The following RECQL variants were observed in gnomAD, a reference collection of about 807,000 sequenced individuals.
RECQL encodes ATP-dependent DNA helicase Q1.
Under a neutral mutation model 75.8 loss-of-function variants are expected in RECQL, and 73 were observed. That is an observed-to-expected ratio of 0.96 (90% CI 0.80 to 1.17). The LOEUF (loss-of-function observed/expected upper bound fraction) is 1.17, where lower values mean the gene tolerates loss of function less well. Among genes scored for constraint, RECQL ranks in the 50% most tolerant of loss-of-function variants. RECQL has a pLI of 0.00. For synonymous variants in RECQL, 248 were observed against 254.4 expected (o/e 0.97, Z 0.24); for missense variants, 699 against 772.1 (o/e 0.91, Z 1.12).
Position 21,475,678 on chromosome 12 carries a change from G to A in RECQL, c.1096C>T (p.Gln366Ter), listed in dbSNP as rs1326657671. Residue 366 changes from glutamine to a stop codon, truncating the protein, a stop_gained and splice_region_variant, in exon 9 of 15, where the codon CAG (glutamine) becomes TAG (stop). Coordinates refer to ENST00000444129, the MANE Select transcript of RECQL (RefSeq NM_002907.4). LOFTEE classifies it high-confidence loss of function. ...TCTATGGAAGATATAGACCTAACCT[G>A]AATTTCATTGGCTGACCATTTTCTA... ...VHRKWSANEI[Q>*]VVVATVAFGM... 3 of 1,613,170 alleles carry A rather than the reference G, an allele frequency of 1.9e-6. No individual in the cohort carries two copies. Among genetic ancestry groups the A allele is most frequent in the Middle Eastern group, 1.7e-4 (1 of 6,060 alleles).
rs1477534266 is a variant in RECQL, at chr12:21,483,493, C to A, written c.583G>T (p.Ala195Ser). 6.3e-7 allele frequency: 1 copy of A among 1,586,118 alleles called. No individual in the cohort carries two copies. Among genetic ancestry groups the A allele is most frequent in the East Asian group, 2.3e-5 (1 of 44,196 alleles). Residue 195 changes from alanine (A) to serine (S), a missense_variant, in exon 6 of 15, where the codon GCA becomes TCA. Ala to Ser is a moderately conservative substitution (Grantham distance 99, BLOSUM62 1). Around this residue, in one of 2 missense-constraint regions of RECQL, gnomAD observed 669 missense variants for 713.5 expected, o/e 0.94. Transcript: ENST00000444129. ...CTTGACATAAACATTTTGCTTTTTG[C>A]AATTTTCTCTGGAGTCACATAAATC... ...KLIYVTPEKIAKSKMFMSRLE... is the reference protein window; with the variant it reads ...KLIYVTPEKISKSKMFMSRLE...
At chr12:21,471,396 C>T in intron 13 of RECQL, 32 bp downstream of exon 13, 3 of 1,566,290 alleles carry the variant, frequency 1.9e-6, no homozygotes, top group Non-Finnish European at 2.6e-6. Flanking sequence ...ATAAAGACAA[C>T]CTGAAAGAAT....
In RECQL at chr12:21,470,266, C is replaced by T. The variant is rs1401855078; in HGVS notation, c.1878G>A (p.Lys626=). ...CAGATTGCTGAAGCATGTTTGCAGC[C>T]TTCTTCTGGAAGTTGCCTGAATTTT... is the stretch of plus-strand genomic sequence containing the variant. ...EEKNSGNFQK[K]AANMLQQSGS... The change falls in exon 15 of 15, where the codon AAG becomes AAA. Residue 626 remains lysine, a synonymous_variant. Transcript: ENST00000444129. The T allele has an allele frequency of 2.5e-6, 4 of 1,607,556 alleles. No individual in the cohort carries two copies. The South Asian group carries it at 4.4e-5, about 18-fold the overall frequency.
At chr12:21,482,681 T>C (rs1182087172) in intron 6 of RECQL, among the ~76,000 whole-genome samples, 2 of 152,156 alleles carry the variant, frequency 1.3e-5, no homozygotes, top group South Asian at 2.1e-4. Context: ...GTGATTGCTA[T>C]GTAGGGACAG....
chr12:21,483,533 G>A lies in RECQL; in HGVS notation c.543C>T (p.Asn181=), dbSNP rs781200459. The A allele has an allele frequency of 6.3e-7, 1 of 1,578,754 alleles. No homozygotes were observed. Among genetic ancestry groups the A allele is most frequent in the Non-Finnish European group, 8.5e-7 (1 of 1,170,310 alleles). Residue 181 remains asparagine, a synonymous_variant, in exon 6 of 15, where the codon AAC becomes AAT. Coordinates refer to ENST00000444129, the MANE Select transcript of RECQL (RefSeq NM_002907.4). ...TCACATAAATCAGCTTTAACTCGGA[G>A]TTTTTATTTACCATTTCAGCATGAA... The part of the protein sequence containing the change: ...KWVHAEMVNK[N]SELKLIYVTP...
intron 1 of RECQL, among the ~76,000 whole-genome samples, chr12:21,500,047 C>T (rs1943578638): frequency 6.6e-6 from 1 of 152,224 alleles, no homozygotes; most frequent in African/African-American, 2.4e-5. Context: ...TCTTTCCCTA[C>T]CTGTAAAACT....
At chr12:21,483,736 C>G (rs113080452) in intron 5 of RECQL, among the ~76,000 whole-genome samples, 162 bp from the exon 6 acceptor site, 2 of 151,970 alleles carry the variant, frequency 1.3e-5, no homozygotes, top group Non-Finnish European at 2.9e-5. Flanking sequence ...TGTCTCAGTA[C>G]GAAACATCAT....
chr12:21,492,388 G>T (rs959266674), intron 2 of RECQL, among the ~76,000 whole-genome samples: 1 of 152,178 alleles, frequency 6.6e-6, no homozygotes, highest in Non-Finnish European at 1.5e-5. Context: ...ATACCACATC[G>T]ATGGAAGCTA....
chr12:21,471,212 T>A, intron 13 of RECQL, 114 bp from the exon 14 acceptor site: 1 of 1,159,464 alleles, frequency 8.6e-7, no homozygotes, highest in Non-Finnish European at 1.2e-6. Context: ...CTTGAAATAA[T>A]AAAATTTACA....
chr12:21,475,675 C>T lies in RECQL; in HGVS notation c.1098+1G>A, dbSNP rs373021457. 2.9e-5 allele frequency: 46 copies of T among 1,613,020 alleles called. No individual in the cohort carries two copies. Among genetic ancestry groups the T allele is most frequent in the Non-Finnish European group, 1.7e-5 (20 of 1,179,376 alleles). On this transcript the variant is annotated splice_donor_variant, in intron 9 of 14. Coordinates refer to ENST00000444129, the MANE Select transcript of RECQL (RefSeq NM_002907.4). LOFTEE classifies it high-confidence loss of function. The stretch of plus-strand genomic sequence containing the variant: ...GCTTCTATGGAAGATATAGACCTAA[C>T]CTGAATTTCATTGGCTGACCATTTT...
At chr12:21,498,680 T>A (rs1943552208) in intron 2 of RECQL, among the ~76,000 whole-genome samples, 1 of 152,156 alleles carries the variant, frequency 6.6e-6, no homozygotes, top group Non-Finnish European at 1.5e-5. Flanking sequence ...GAAGATCCTC[T>A]AGTGCACCTC....
At chr12:21,493,621 GAGACTGAA>G (rs1943452043) in intron 2 of RECQL, among the ~76,000 whole-genome samples, 1 of 152,184 alleles carries the variant, frequency 6.6e-6, no homozygotes, top group African/African-American at 2.4e-5. Context: ...GACTGGGAAG[GAGACTGAA>G]ATTTGGAGGG....
In RECQL at chr12:21,475,557, A is replaced by T. The variant is rs757008713; in HGVS notation, c.1127T>A (p.Met376Lys). ...QVVVATVAFG[M>K]GIDKPDVRFV... ...CCTCACATCTGGCTTATCAATTCCC[A>T]TACCAAATGCAACAGTTGCCACTAC... is the stretch of plus-strand genomic sequence containing the variant. The change falls in exon 10 of 15, where the codon ATG (methionine) becomes AAG (lysine). Residue 376 changes from methionine to lysine, a missense_variant. Met to Lys is a moderately conservative substitution (Grantham distance 95). This residue lies in a region of RECQL where 669 missense variants were observed against 713.5 expected (regional missense o/e 0.94). Transcript: ENST00000444129. 6.2e-7 allele frequency: 1 copy of T among 1,612,768 alleles called. No individual in the cohort carries two copies. Among genetic ancestry groups the T allele is most frequent in the Admixed American group, 1.7e-5 (1 of 59,940 alleles).
intron 6 of RECQL, among the ~76,000 whole-genome samples, chr12:21,482,500 T>C (rs932653348): frequency 6.6e-5 from 10 of 152,122 alleles, no homozygotes; most frequent in African/African-American, 2.4e-4. Flanking sequence ...CAATTTTTGT[T>C]TTTTTGACAA....
chr12:21,482,721 G>C (rs1565568761), intron 6 of RECQL, among the ~76,000 whole-genome samples: 1 of 152,228 alleles, frequency 6.6e-6, no homozygotes, highest in Non-Finnish European at 1.5e-5. Context: ...GGGATTAAAA[G>C]AGGGATCCAG....
chr12:21,477,182 T>C (rs1271753875), intron 7 of RECQL, among the ~76,000 whole-genome samples, 190 bp from the exon 8 acceptor site: 1 of 152,094 alleles, frequency 6.6e-6, no homozygotes, highest in African/African-American at 2.4e-5. Flanking sequence ...TGATCTTTAT[T>C]TTTTTAATTT....
chr12:21,472,131 C>CT (rs1296534562), intron 12 of RECQL, among the ~76,000 whole-genome samples: 1 of 152,062 alleles, frequency 6.6e-6, no homozygotes, highest in Admixed American at 6.6e-5. Context: ...ATAAATTTCT[C>CT]TGTCTGCAAA....
chr12:21,483,761 T>A (rs913476479), intron 5 of RECQL, among the ~76,000 whole-genome samples, 187 bp from the exon 6 acceptor site: 3 of 152,106 alleles, frequency 2.0e-5, no homozygotes, highest in African/African-American at 7.2e-5. Context: ...GCTGTGTAAA[T>A]AGCATTCTAG....
intron 2 of RECQL, among the ~76,000 whole-genome samples, chr12:21,494,560 G>A (rs1257533523): frequency 6.6e-6 from 1 of 152,102 alleles, no homozygotes; most frequent in East Asian, 1.9e-4. Flanking sequence ...AAATTGGGAT[G>A]GAATAAAACA....
Sources: allele counts gnomAD v4.1 joint callset (sites outside exome capture counted in the v4.1 genomes callset), GRCh38; gene constraint gnomAD v4.1.1; regional missense constraint gnomAD v4.1.1; transcripts MANE v1.5; gene names NCBI Gene and HGNC (gene_info 2026-07-23, HGNC 2026-07-21).